The following PPP1R14C variants were observed in gnomAD, a reference collection of about 807,000 sequenced individuals.
PPP1R14C encodes the protein protein phosphatase 1 regulatory subunit 14C.
Under a neutral mutation model 20.4 loss-of-function variants are expected in PPP1R14C, and 16 were observed. That is an observed-to-expected ratio of 0.78 (90% CI 0.53 to 1.19). The LOEUF is 1.19. Ranked by LOEUF, PPP1R14C falls within the 50% of genes most tolerant of loss-of-function variation. PPP1R14C has a pLI of 0.00. For missense variants in PPP1R14C, 211 were observed against 220.1 expected, an observed-to-expected ratio of 0.96 and a Z score of 0.26; for synonymous variants, 91 against 91.0, an observed-to-expected ratio of 1.00 and a Z score of 0.00.
At position 150,249,044 on chromosome 6, in the gene PPP1R14C, T is replaced by G; in HGVS notation, c.*224T>G. 1 of 471,314 alleles carries G rather than the reference T, an allele frequency of 2.1e-6. No individual in the cohort carries two copies. The highest frequency in any genetic ancestry group is 3.7e-6 in the Non-Finnish European group (1 of 268,834). 29.2% of individuals were successfully genotyped at this position (471,314 alleles called of 1,614,324 possible). A position where few individuals can be genotyped will look rare whatever the true frequency, so the allele number is the denominator to read the frequency against. On this transcript the variant is annotated 3_prime_UTR_variant, in exon 4 of 4. Transcript: ENST00000361131. ...TAATGTAATATTTTAATAGCAAAGA[T>G]ATCATGACTCTAGCCACAGCCTAAC...
intron 3 of PPP1R14C, among the ~76,000 whole-genome samples, chr6:150,231,052 G>A (rs9384261): frequency 0.12 from 18,123 of 152,182 alleles, 1,289 homozygotes; most frequent in African/African-American, 0.21. Flanking sequence ...GAAAGTCATG[G>A]GCCCCAAGAC....
intron 1 of PPP1R14C, among the ~76,000 whole-genome samples, chr6:150,184,074 AT>A (rs1403513897): frequency 6.6e-6 from 1 of 152,172 alleles, no homozygotes; most frequent in African/African-American, 2.4e-5. Context: ...GGCAAGTTGA[AT>A]GTTATTTTAT....
At chr6:150,152,746 C>A (rs1053121049) in intron 1 of PPP1R14C, among the ~76,000 whole-genome samples, 1 of 152,234 alleles carries the variant, frequency 6.6e-6, no homozygotes, top group Non-Finnish European at 1.5e-5. Flanking sequence ...CCCACCCTCA[C>A]TGCAGCCTCC....
intron 1 of PPP1R14C, among the ~76,000 whole-genome samples, chr6:150,171,364 T>C (rs907919507): frequency 1.3e-5 from 2 of 152,182 alleles, no homozygotes; most frequent in African/African-American, 4.8e-5. Context: ...AGTTGAGGGA[T>C]TCTCTGTAAT....
chr6:150,198,519 T>G (rs1351134967), intron 1 of PPP1R14C, among the ~76,000 whole-genome samples: 1 of 152,272 alleles, frequency 6.6e-6, no homozygotes, highest in Non-Finnish European at 1.5e-5. Flanking sequence ...TGACCAGTCT[T>G]GCCACATTCT....
At chr6:150,217,340 C>T (rs180842157) in intron 3 of PPP1R14C, among the ~76,000 whole-genome samples, 170 of 152,034 alleles carry the variant, frequency 1.1e-3, no homozygotes, top group African/African-American at 3.8e-3. Flanking sequence ...GGATTACAGA[C>T]GTGCGTCACC....
chr6:150,190,112 C>A (rs1292164424), intron 1 of PPP1R14C, among the ~76,000 whole-genome samples: 3 of 152,142 alleles, frequency 2.0e-5, no homozygotes, highest in Non-Finnish European at 1.5e-5. Flanking sequence ...CCTTTCTTAT[C>A]CTTCTGCATG....
intron 3 of PPP1R14C, among the ~76,000 whole-genome samples, chr6:150,247,140 G>A (rs1778502238): frequency 6.6e-6 from 1 of 152,134 alleles, no homozygotes; most frequent in Non-Finnish European, 1.5e-5. Context: ...GAGTAGTGCA[G>A]GGCTCATTTA....
intron 1 of PPP1R14C, among the ~76,000 whole-genome samples, chr6:150,183,956 G>A (rs9479881): frequency 0.54 from 82,174 of 152,108 alleles, 22,509 homozygotes; most frequent in South Asian, 0.61. Context: ...CTTACTTTCC[G>A]ACAGTTCACA....
At chr6:150,190,499 T>C (rs1301316531) in intron 1 of PPP1R14C, among the ~76,000 whole-genome samples, 1 of 151,122 alleles carries the variant, frequency 6.6e-6, no homozygotes, top group Non-Finnish European at 1.5e-5. Flanking sequence ...TGATCTCAGC[T>C]CACTGTAACC....
chr6:150,200,171 G>GAT (rs145406314), intron 1 of PPP1R14C, among the ~76,000 whole-genome samples: 76 of 148,032 alleles, frequency 5.1e-4, no homozygotes, highest in East Asian at 4.0e-3. Context: ...GCTTTTATAG[G>GAT]ATATATATAT....
At chr6:150,240,732 T>G in intron 3 of PPP1R14C, among the ~76,000 whole-genome samples, 1 of 152,244 alleles carries the variant, frequency 6.6e-6, no homozygotes, top group East Asian at 1.9e-4. Flanking sequence ...TTTTGTTACC[T>G]GAGTGTGGAA....
At chr6:150,151,288 C>T (rs1777244340) in intron 1 of PPP1R14C, among the ~76,000 whole-genome samples, 1 of 152,190 alleles carries the variant, frequency 6.6e-6, no homozygotes, top group Non-Finnish European at 1.5e-5. Flanking sequence ...ACCTGCTCCT[C>T]TTCCTCACTT....
intron 2 of PPP1R14C, 64 bp downstream of exon 2, chr6:150,214,891 C>T: frequency 8.7e-7 from 1 of 1,154,544 alleles, no homozygotes; most frequent in Non-Finnish European, 1.3e-6. Flanking sequence ...CTTGGGTCTT[C>T]AGTGCTTGGC....
chr6:150,143,520 A>G lies in PPP1R14C; in HGVS notation c.306+22A>G, dbSNP rs1297478088. 4.6e-6 allele frequency: 3 copies of G among 645,596 alleles called. No homozygotes were observed. Among genetic ancestry groups the G allele is most frequent in the Non-Finnish European group, 5.3e-6 (2 of 375,080 alleles). 40.0% of individuals were successfully genotyped at this position (645,596 alleles called of 1,614,324 possible). On this transcript the variant is annotated intron_variant, in intron 1 of 3. Transcript: ENST00000361131. The surrounding 1 kb of genome is among the most constrained non-coding windows in gnomAD (Gnocchi z 5.6). ...CGAGGTACCTGGGCGCGGGGCTGGGAGGGTCGGGGACCTCTCTAGCTCCTC... is the reference window on the plus strand; with the variant it reads ...CGAGGTACCTGGGCGCGGGGCTGGGGGGGTCGGGGACCTCTCTAGCTCCTC...
chr6:150,174,033 T>C (rs1043658062), intron 1 of PPP1R14C, among the ~76,000 whole-genome samples: 1 of 108,844 alleles, frequency 9.2e-6, no homozygotes, highest in South Asian at 3.4e-4. Flanking sequence ...ACCCCCGAGA[T>C]TTGTTAAGGT....
chr6:150,230,550 T>TTTG (rs1002672382), intron 3 of PPP1R14C, among the ~76,000 whole-genome samples: 10 of 152,228 alleles, frequency 6.6e-5, no homozygotes, highest in African/African-American at 1.2e-4. Flanking sequence ...TGGGTCTTTT[T>TTTG]TTGTTGTTGT....
intron 1 of PPP1R14C, among the ~76,000 whole-genome samples, chr6:150,181,865 G>A (rs920461016): frequency 6.6e-6 from 1 of 152,072 alleles, no homozygotes; most frequent in East Asian, 1.9e-4. Flanking sequence ...CTTTTTCATT[G>A]CTTCTCAAAT....
chr6:150,166,081 T>C (rs1009902009), intron 1 of PPP1R14C, among the ~76,000 whole-genome samples: 1 of 150,178 alleles, frequency 6.7e-6, no homozygotes, highest in Non-Finnish European at 1.5e-5. Context: ...TCTTCTTCTT[T>C]TTTTTTTTTT....
Sources: allele counts gnomAD v4.1 joint callset (sites outside exome capture counted in the v4.1 genomes callset), GRCh38; gene constraint gnomAD v4.1.1; non-coding constraint Gnocchi (gnomAD v3.1); transcripts MANE v1.5; gene names NCBI Gene and HGNC (gene_info 2026-07-23, HGNC 2026-07-21).